Variants in LRRC52 observed in about 807,000 individuals in gnomAD.
The protein encoded by LRRC52 is leucine rich repeat containing 52, also known as leucine-rich repeat-containing protein 52.
A neutral mutation model predicts 14.7 loss-of-function variants in LRRC52; 15 were observed. The observed-to-expected ratio is 1.02, with a 90% confidence interval of 0.68 to 1.58. LRRC52 has a LOEUF of 1.58. Ranked by LOEUF, LRRC52 falls within the 40% of genes most tolerant of loss-of-function variation. LRRC52 has a pLI of 0.00. For synonymous variants in LRRC52, 180 were observed against 163.9 expected (o/e 1.10, Z -0.75); for missense variants, 400 against 387.7 (o/e 1.03, Z -0.27).
At chr1:165,550,579 T>C (rs1413140331) in intron 1 of LRRC52, among the ~76,000 whole-genome samples, 2 of 152,228 alleles carry the variant, frequency 1.3e-5, no homozygotes, top group Non-Finnish European at 1.5e-5. Context: ...TAAGTGGCTA[T>C]AGAGAAAAGC....
intron 1 of LRRC52, among the ~76,000 whole-genome samples, chr1:165,558,390 C>T (rs2101832165): frequency 6.6e-6 from 1 of 152,258 alleles, no homozygotes; most frequent in East Asian, 1.9e-4. Context: ...ACAGTACTTG[C>T]CGACCCCCTG....
intron 1 of LRRC52, among the ~76,000 whole-genome samples, chr1:165,557,517 G>T (rs1557966457): frequency 6.6e-6 from 1 of 152,200 alleles, no homozygotes; most frequent in Non-Finnish European, 1.5e-5. Context: ...CTAGCATCCT[G>T]ATAGACGTCA....
intron 1 of LRRC52, among the ~76,000 whole-genome samples, chr1:165,551,956 A>C (rs982317347): frequency 8.1e-5 from 12 of 148,228 alleles, no homozygotes; most frequent in Admixed American, 1.4e-4. Flanking sequence ...GGGAAATTAA[A>C]ATAAAGACCA....
intron 1 of LRRC52, among the ~76,000 whole-genome samples, chr1:165,553,869 TA>T (rs918582743): frequency 2.6e-5 from 4 of 152,198 alleles, no homozygotes; most frequent in African/African-American, 9.7e-5. Flanking sequence ...TATATATCTA[TA>T]AAGTACACAT....
rs759048053 is a variant in LRRC52 at position 165,563,746 on chromosome 1, C to T, written c.864C>T (p.Ala288=). ...CGAGTGAAGAAGATGAGGACGAGGC[C>T]GGGACTAGGGTGGAAGTCAGCCGGC... ...HKSSEEDEDE[A]GTRVEVSRRI... The change falls in exon 2 of 2, where the codon GCC becomes GCT. Residue 288 remains alanine (A), a synonymous_variant. Coordinates refer to ENST00000294818, the MANE Select transcript of LRRC52 (RefSeq NM_001005214.4). 32 of 1,614,160 alleles carry T rather than the reference C, an allele frequency of 2.0e-5. No individual in the cohort carries two copies. The highest frequency in any genetic ancestry group is 2.4e-5 in the Non-Finnish European group (28 of 1,180,016).
At chr1:165,558,559 T>G (rs10918210) in intron 1 of LRRC52, among the ~76,000 whole-genome samples, 72,673 of 152,078 alleles carry the variant, frequency 0.48, 20,534 homozygotes, top group East Asian at 0.72. Context: ...GCCTAGCACA[T>G]GTCAGGCACT....
At chr1:165,553,052 G>A (rs770132955) in intron 1 of LRRC52, among the ~76,000 whole-genome samples, 2 of 152,118 alleles carry the variant, frequency 1.3e-5, no homozygotes. Context: ...CAGAATAGAG[G>A]ACAGGGCATA....
intron 1 of LRRC52, among the ~76,000 whole-genome samples, chr1:165,557,245 G>A (rs954926503): frequency 3.3e-5 from 5 of 152,168 alleles, no homozygotes; most frequent in African/African-American, 1.2e-4. Context: ...CCCAGTTCAA[G>A]GCTTATACCT....
At chr1:165,548,415 C>A (rs74120743) in intron 1 of LRRC52, among the ~76,000 whole-genome samples, 1 of 152,292 alleles carries the variant, frequency 6.6e-6, no homozygotes, top group Non-Finnish European at 1.5e-5. Flanking sequence ...TGGAGACTTA[C>A]GTAACTCTAG....
At chr1:165,547,958 T>C (rs80004421) in intron 1 of LRRC52, among the ~76,000 whole-genome samples, 5,060 of 152,342 alleles carry the variant, frequency 0.033, 306 homozygotes, top group African/African-American at 0.12. Context: ...GAAATATCTT[T>C]GCTATTGGCA....
chr1:165,561,042 C>T (rs1661330016), intron 1 of LRRC52, among the ~76,000 whole-genome samples: 1 of 151,976 alleles, frequency 6.6e-6, no homozygotes, highest in Non-Finnish European at 1.5e-5. Flanking sequence ...ATAGGGAGCC[C>T]GGGAGGGGAG....
intron 1 of LRRC52, among the ~76,000 whole-genome samples, chr1:165,561,230 T>C (rs1661334621): frequency 6.6e-6 from 1 of 152,190 alleles, no homozygotes; most frequent in African/African-American, 2.4e-5. Context: ...TGGGGAAACG[T>C]GTGTGATGTT....
intron 1 of LRRC52, among the ~76,000 whole-genome samples, chr1:165,553,057 G>T (rs1307411805): frequency 6.6e-6 from 1 of 152,072 alleles, no homozygotes; most frequent in Non-Finnish European, 1.5e-5. Context: ...TAGAGGACAG[G>T]GCATAAAATA....
In LRRC52 at chr1:165,563,520, CAT is replaced by C. The variant is rs1661390699; in HGVS notation, c.639_640del (p.Val215GlyfsTer67). ...TTCTTCTTAGATGATCTAAATGCCA[CAT>C]GTGTGGAGCCCACAGAGCTGACAGG... On this transcript the variant is annotated frameshift_variant, in exon 2 of 2. Coordinates refer to ENST00000294818, the MANE Select transcript of LRRC52 (RefSeq NM_001005214.4). LOFTEE classifies it low-confidence loss of function (END_TRUNC). 1 of 1,613,020 alleles carries C rather than the reference CAT, an allele frequency of 6.2e-7. No homozygotes were observed. The highest frequency in any genetic ancestry group is 1.7e-5 in the Admixed American group (1 of 59,954).
chr1:165,544,292 T>C lies in LRRC52; in HGVS notation c.-5T>C. The C allele has an allele frequency of 6.3e-7, 1 of 1,596,588 alleles. No homozygotes were observed. The highest frequency in any genetic ancestry group is 8.6e-7 in the Non-Finnish European group (1 of 1,169,008). ...GTGAAAGGAGGGTGGTTGTGGCTTCTTACTATGTCCCTTGCTTCAGGCCCT... is the reference window on the plus strand; with the variant it reads ...GTGAAAGGAGGGTGGTTGTGGCTTCCTACTATGTCCCTTGCTTCAGGCCCT... On this transcript the variant is annotated 5_prime_UTR_variant, in exon 1 of 2. Coordinates refer to ENST00000294818, the MANE Select transcript of LRRC52 (RefSeq NM_001005214.4).
At chr1:165,553,405 C>A (rs1479106181) in intron 1 of LRRC52, among the ~76,000 whole-genome samples, 2 of 152,182 alleles carry the variant, frequency 1.3e-5, no homozygotes, top group African/African-American at 4.8e-5. Flanking sequence ...GAGTGAACAC[C>A]AATCCATAAT....
chr1:165,560,653 G>A (rs926510224), intron 1 of LRRC52, among the ~76,000 whole-genome samples: 10 of 152,126 alleles, frequency 6.6e-5, no homozygotes, highest in African/African-American at 1.4e-4. Flanking sequence ...TGGAATAGAC[G>A]CATTTAGGCT....
At chr1:165,544,998 TG>T in intron 1 of LRRC52, 80 bp downstream of exon 1, 1 of 1,549,420 alleles carries the variant, frequency 6.5e-7, no homozygotes. Context: ...ATGGTCAGAA[TG>T]GGAGAAAAAG....
At chr1:165,548,308 G>A (rs1571105428) in intron 1 of LRRC52, among the ~76,000 whole-genome samples, 1 of 152,278 alleles carries the variant, frequency 6.6e-6, no homozygotes, top group East Asian at 1.9e-4. Context: ...CTACAATTCA[G>A]TTCATCCATT....
Sources: allele counts gnomAD v4.1 joint callset (sites outside exome capture counted in the v4.1 genomes callset), GRCh38; gene constraint gnomAD v4.1.1; transcripts MANE v1.5; gene names NCBI Gene and HGNC (gene_info 2026-07-23, HGNC 2026-07-21).